EFCC1: variants seen among roughly 807,000 people sequenced by gnomAD.
EFCC1 encodes EF-hand and coiled-coil domain-containing protein 1.
EFCC1 carries 50 observed loss-of-function variants against 52.1 expected under a neutral mutation model. That is an observed-to-expected ratio of 0.96 (90% CI 0.76 to 1.21). The LOEUF (loss-of-function observed/expected upper bound fraction) is 1.21. Among genes scored for constraint, EFCC1 ranks in the 50% most tolerant of loss-of-function variants. The pLI is 0.00. For synonymous variants in EFCC1, 399 were observed against 396.5 expected (o/e 1.01, Z -0.08); for missense variants, 837 against 867.3 (o/e 0.97, Z 0.44).
intron 2 of EFCC1, among the ~76,000 whole-genome samples, chr3:129,020,118 T>C (rs924026955): frequency 5.9e-5 from 9 of 152,158 alleles, no homozygotes; most frequent in African/African-American, 2.2e-4. Context: ...TATTGGACGA[T>C]GCAGGCCAGA....
chr3:129,029,687 C>T (rs1333448283), intron 2 of EFCC1, among the ~76,000 whole-genome samples: 2 of 151,230 alleles, frequency 1.3e-5, no homozygotes, highest in Non-Finnish European at 2.9e-5. Flanking sequence ...CAGGTTCAAG[C>T]GATTCTCCTG....
chr3:129,035,532 G>A (rs1946344078), intron 5 of EFCC1, among the ~76,000 whole-genome samples: 1 of 152,230 alleles, frequency 6.6e-6, no homozygotes, highest in Non-Finnish European at 1.5e-5. Flanking sequence ...GCAGGCCCTG[G>A]AGCGCTGCAG....
chr3:129,008,606 C>T (rs1291448582), intron 2 of EFCC1, among the ~76,000 whole-genome samples: 2 of 151,848 alleles, frequency 1.3e-5, no homozygotes, highest in Non-Finnish European at 2.9e-5. Flanking sequence ...ATCCCCGTGC[C>T]ACAATCCTTG....
chr3:129,019,578 C>G (rs1286936958), intron 2 of EFCC1, among the ~76,000 whole-genome samples: 1 of 152,136 alleles, frequency 6.6e-6, no homozygotes, highest in Non-Finnish European at 1.5e-5. Context: ...GGAAAAATGA[C>G]TGTAAACTAT....
At chr3:129,003,211 C>T (rs1251277152) in intron 1 of EFCC1, 2 of 985,214 alleles carry the variant, frequency 2.0e-6, no homozygotes, top group African/African-American at 3.5e-5. Context: ...GAAACTACTC[C>T]TCTGATGTGG....
chr3:129,017,401 G>C (rs1234070721), intron 2 of EFCC1, among the ~76,000 whole-genome samples: 2 of 152,314 alleles, frequency 1.3e-5, no homozygotes, highest in South Asian at 4.1e-4. Context: ...TCATAATTCC[G>C]TAGGCCGGAA....
chr3:129,030,783 G>A lies in EFCC1; in HGVS notation c.1061G>A (p.Gly354Glu). ...GDKSNEPEDA[G>E]TRDPDPTPEG... ...AAGAGTAATGAACCTGAAGATGCTG[G>A]GACCAGAGACCCAGACCCCACTCCA... Residue 354 changes from glycine (G) to glutamate (E), a missense_variant, in exon 3 of 8, where the codon GGG (glycine) becomes GAG (glutamate). Gly to Glu is a moderately conservative substitution (Grantham distance 98, BLOSUM62 -2). Transcript: ENST00000683648. The A allele has an allele frequency of 6.4e-7, 1 of 1,551,650 alleles. No individual in the cohort carries two copies. Among genetic ancestry groups the A allele is most frequent in the Non-Finnish European group, 8.7e-7 (1 of 1,146,960 alleles).
In EFCC1 at chr3:129,005,132, G is replaced by A. The variant is rs552804438; in HGVS notation, c.980+1055G>A. 2.7e-4 allele frequency among the ~76,000 whole-genome samples: 41 copies of A among 152,336 alleles called. 1 individual carries two copies. In the East Asian group the frequency reaches 6.0e-3, roughly 22 times the overall value. On this transcript the variant is annotated intron_variant, in intron 2 of 7. Transcript: ENST00000683648. Reference sequence around the variant, plus strand: ...GTGCCAGGGGCCATCCCAGGCATCAGGGATGTGACCACGTGACTAGGACAG... The same window carrying A: ...GTGCCAGGGGCCATCCCAGGCATCAAGGATGTGACCACGTGACTAGGACAG...
chr3:129,027,827 G>T (rs1254509987), intron 2 of EFCC1, among the ~76,000 whole-genome samples: 1 of 151,984 alleles, frequency 6.6e-6, no homozygotes, highest in Admixed American at 6.6e-5. Flanking sequence ...GGTGGCGGGC[G>T]CCTGTAGTCC....
At chr3:129,024,135 A>G (rs1475273620) in intron 2 of EFCC1, among the ~76,000 whole-genome samples, 3 of 152,236 alleles carry the variant, frequency 2.0e-5, no homozygotes, top group African/African-American at 4.8e-5. Context: ...GAGAAACACC[A>G]TAACACACCA....
At chr3:129,030,642 TGG>T in intron 2 of EFCC1, 59 bp from the exon 3 acceptor site, 1 of 1,506,750 alleles carries the variant, frequency 6.6e-7, no homozygotes, top group East Asian at 2.5e-5. Context: ...CCATGTACAG[TGG>T]GGAATGGAAG....
chr3:129,023,579 G>A (rs996374023), intron 2 of EFCC1, among the ~76,000 whole-genome samples: 13 of 152,070 alleles, frequency 8.5e-5, no homozygotes, highest in Non-Finnish European at 1.5e-4. Flanking sequence ...TGATCCACCC[G>A]CCTCGGCCTC....
intron 2 of EFCC1, among the ~76,000 whole-genome samples, chr3:129,023,622 G>A (rs552666992): frequency 3.0e-4 from 45 of 152,268 alleles, no homozygotes; most frequent in South Asian, 8.3e-4. Context: ...GTGAGCCACC[G>A]CGCCTGGCCA....
At chr3:129,023,522 C>T (rs1188829058) in intron 2 of EFCC1, among the ~76,000 whole-genome samples, 1 of 151,988 alleles carries the variant, frequency 6.6e-6, no homozygotes, top group East Asian at 1.9e-4. Context: ...TTAGTAGAGA[C>T]GAGGTTTCAC....
chr3:129,033,122 C>A (rs921128077), intron 4 of EFCC1, among the ~76,000 whole-genome samples, 156 bp downstream of exon 4: 2 of 152,184 alleles, frequency 1.3e-5, no homozygotes. Context: ...GGTGGGAAGG[C>A]CCACCAGCAT....
intron 2 of EFCC1, among the ~76,000 whole-genome samples, chr3:129,004,320 C>T (rs1944962988): frequency 6.6e-6 from 1 of 151,020 alleles, no homozygotes; most frequent in South Asian, 2.1e-4. Flanking sequence ...CATCCATTCA[C>T]CCACCCCACA....
In EFCC1 at chr3:129,001,731, G is replaced by T; in HGVS notation, c.103G>T (p.Ala35Ser). Residue 35 changes from alanine to serine, a missense_variant, in exon 1 of 8, where the codon GCG becomes TCG. Coordinates refer to ENST00000683648, the MANE Select transcript of EFCC1 (RefSeq NM_001377500.1). ...CACGCAGTGGCTGCTGAGCGCCCTGGCGCACCACTACGGGCTGGACCGCGG... is the reference window on the plus strand; with the variant it reads ...CACGCAGTGGCTGCTGAGCGCCCTGTCGCACCACTACGGGCTGGACCGCGG... ...RRTQWLLSAL[A>S]HHYGLDRGVE... is the part of the protein sequence containing the mutation. 1.3e-6 allele frequency: 2 copies of T among 1,527,282 alleles called. No individual in the cohort carries two copies. The allele number at this position is 1,527,282 out of a possible 1,614,324, so 94.6% of individuals were successfully genotyped here. A position where few individuals can be genotyped will look rare whatever the true frequency, so the allele number is the denominator to read the frequency against.
chr3:129,027,818 G>A (rs1559972471), intron 2 of EFCC1, among the ~76,000 whole-genome samples: 1 of 152,042 alleles, frequency 6.6e-6, no homozygotes, highest in East Asian at 1.9e-4. Context: ...GCCGGGCATG[G>A]TGGCGGGCGC....
chr3:129,004,803 G>A (rs998021179), intron 2 of EFCC1, among the ~76,000 whole-genome samples: 1 of 152,264 alleles, frequency 6.6e-6, no homozygotes, highest in South Asian at 2.1e-4. Context: ...AAACAGGTGT[G>A]TAATGACTGC....
Sources: gnomAD v4.1 joint callset for allele counts (sites outside exome capture counted in the v4.1 genomes callset) on GRCh38, gnomAD v4.1.1 for gene constraint, MANE v1.5 for transcripts, NCBI Gene and HGNC (gene_info 2026-07-23, HGNC 2026-07-21) for gene names.